Variants in ACTG2 observed in about 807,000 individuals in gnomAD.
ACTG2 encodes actin, gamma-enteric smooth muscle.
In ACTG2, 16 loss-of-function variants were observed where a neutral mutation model predicts 37.6. The observed-to-expected ratio is 0.43, with a 90% confidence interval of 0.29 to 0.65. The LOEUF is 0.65. Among genes scored for constraint, ACTG2 ranks in the 30% least tolerant of loss-of-function variants. The pLI is 0.18. For synonymous variants in ACTG2, 181 were observed against 179.9 expected (o/e 1.01, Z -0.05); for missense variants, 238 against 490.9 (o/e 0.48, Z 4.87).
intron 7 of ACTG2, 94 bp downstream of exon 7, chr2:73,914,965 C>G: frequency 8.9e-7 from 1 of 1,127,026 alleles, no homozygotes; most frequent in Non-Finnish European, 1.2e-6. Flanking sequence ...GTCATGGCCA[C>G]TTTGTTAATT....
chr2:73,919,318 C>A, intron 8 of ACTG2, 114 bp from the exon 9 acceptor site: 2 of 1,229,022 alleles, frequency 1.6e-6, no homozygotes, highest in Non-Finnish European at 2.3e-6. Context: ...CACAATGTTT[C>A]TCCTGTTCTT....
chr2:73,898,876 C>T (rs1679812387), intron 1 of ACTG2, among the ~76,000 whole-genome samples: 1 of 146,288 alleles, frequency 6.8e-6, no homozygotes, highest in Non-Finnish European at 1.5e-5. Flanking sequence ...GATCTTGGCT[C>T]ACTGCAAGCT....
At chr2:73,903,980 A>G (rs1348402490) in intron 3 of ACTG2, among the ~76,000 whole-genome samples, 1 of 149,888 alleles carries the variant, frequency 6.7e-6, no homozygotes, top group African/African-American at 2.5e-5. Flanking sequence ...ACCACATAAT[A>G]GAGGCCAGTG....
At chr2:73,911,340 C>T (rs1361770192) in intron 5 of ACTG2, among the ~76,000 whole-genome samples, 1 of 151,944 alleles carries the variant, frequency 6.6e-6, no homozygotes, top group Non-Finnish European at 1.5e-5. Context: ...ACAAAAAATA[C>T]AAAAAGTTAG....
rs564285780 is a variant in ACTG2, at chr2:73,908,710, C to G, written c.293C>G (p.Ala98Gly). The G allele has an allele frequency of 6.2e-7, 1 of 1,613,174 alleles. No individual in the cohort carries two copies. The highest frequency in any genetic ancestry group is 1.1e-5 in the South Asian group (1 of 91,014). ...HHSFYNELRV[A>G]PEEHPTLLTE... is the part of the protein sequence containing the mutation. ...TCCTTCTACAATGAGCTGCGTGTAG[C>G]ACCTGAAGAGCACCCCACCCTGCTC... The change falls in exon 4 of 9, where the codon GCA becomes GGA. Residue 98 changes from alanine (A) to glycine (G), a missense_variant. Physicochemically the swap from Ala to Gly is moderately conservative, Grantham distance 60 (BLOSUM62 0). Coordinates refer to ENST00000345517, the MANE Select transcript of ACTG2 (RefSeq NM_001615.4).
rs748118100 is a variant in ACTG2, at chr2:73,902,244, G to C, written c.127-116G>C. 5.6e-6 allele frequency: 7 copies of C among 1,244,538 alleles called. No homozygotes were observed. The African/African-American group carries it at 6.0e-5, about 11-fold the overall frequency. The allele number at this position is 1,244,538 out of a possible 1,614,324, so 77.1% of individuals were successfully genotyped here. A position where few individuals can be genotyped will look rare whatever the true frequency, so the allele number is the denominator to read the frequency against. The stretch of plus-strand genomic sequence containing the variant: ...CTGTCTCCTGCTATCCTGTTTCTGG[G>C]GGAAGAAAGGCTGTTTTTCCCATCC... On this transcript the variant is annotated intron_variant, in intron 2 of 8. Transcript: ENST00000345517.
At chr2:73,899,021 A>G (rs965043059) in intron 1 of ACTG2, among the ~76,000 whole-genome samples, 20 of 151,926 alleles carry the variant, frequency 1.3e-4, no homozygotes, top group Non-Finnish European at 2.5e-4. Flanking sequence ...CATGTTAGCC[A>G]GGATGGTCTT....
At chr2:73,897,088 C>G (rs1181751687) in intron 1 of ACTG2, 3 of 152,434 alleles carry the variant, frequency 2.0e-5, no homozygotes, top group Non-Finnish European at 4.4e-5. Context: ...CTTCCCCACC[C>G]TCACTTCGGT....
At chr2:73,896,172 A>C (rs868033353) in intron 1 of ACTG2, among the ~76,000 whole-genome samples, 8 of 152,130 alleles carry the variant, frequency 5.3e-5, no homozygotes, top group South Asian at 2.1e-4. Flanking sequence ...TGTTTCAACA[A>C]AAAAAATTTT....
chr2:73,897,530 A>G (rs771484535), intron 1 of ACTG2, among the ~76,000 whole-genome samples: 2 of 152,198 alleles, frequency 1.3e-5, no homozygotes, highest in East Asian at 3.8e-4. Flanking sequence ...CTGAACCACC[A>G]TGAGGCTGGA....
intron 8 of ACTG2, among the ~76,000 whole-genome samples, chr2:73,918,376 C>A (rs533962006): frequency 1.3e-5 from 2 of 152,290 alleles, no homozygotes; most frequent in East Asian, 3.9e-4. Context: ...GCTGTGCATT[C>A]CCAGTCCTTG....
intron 1 of ACTG2, among the ~76,000 whole-genome samples, chr2:73,896,241 C>G (rs543838473): frequency 6.6e-6 from 1 of 151,490 alleles, no homozygotes; most frequent in East Asian, 2.0e-4. Flanking sequence ...ATCCCAGCTC[C>G]TAGGATGAGG....
intron 3 of ACTG2, among the ~76,000 whole-genome samples, chr2:73,904,125 T>G (rs1248004753): frequency 1.3e-5 from 2 of 151,064 alleles, no homozygotes; most frequent in African/African-American, 4.9e-5. Context: ...AACACATGAC[T>G]GCGGTCTCAG....
intron 5 of ACTG2, among the ~76,000 whole-genome samples, 174 bp from the exon 6 acceptor site, chr2:73,913,311 A>T (rs1273287381): frequency 6.6e-6 from 1 of 152,208 alleles, no homozygotes; most frequent in Non-Finnish European, 1.5e-5. Flanking sequence ...CTGGGGGGAA[A>T]AAAGTGACAT....
At chr2:73,913,782 T>G in intron 6 of ACTG2, 136 bp downstream of exon 6, 1 of 722,086 alleles carries the variant, frequency 1.4e-6, no homozygotes, top group Non-Finnish European at 2.2e-6. Context: ...GGCCTTAAGC[T>G]GGGGCTAGGC....
intron 2 of ACTG2, 34 bp from the exon 3 acceptor site, chr2:73,902,326 C>A: frequency 6.2e-7 from 1 of 1,609,988 alleles, no homozygotes; most frequent in Non-Finnish European, 8.5e-7. Context: ...AGCCCTCAGC[C>A]ATTCATTTCT....
chr2:73,901,275 G>T lies in ACTG2; in HGVS notation c.-36-1G>T. ...AGTTCTCTTCTCCCGCAAATCCCAAGGTGCTCCAGTCCCCAGCTCACTCAG... is the reference window on the plus strand; with the variant it reads ...AGTTCTCTTCTCCCGCAAATCCCAATGTGCTCCAGTCCCCAGCTCACTCAG... On this transcript the variant is annotated splice_acceptor_variant, in intron 1 of 8. Coordinates refer to ENST00000345517, the MANE Select transcript of ACTG2 (RefSeq NM_001615.4). LOFTEE classifies it low-confidence loss of function (5UTR_SPLICE). 6.6e-7 allele frequency: 1 copy of T among 1,517,954 alleles called. No homozygotes were observed. The allele number at this position is 1,517,954 out of a possible 1,614,324, so 94.0% of individuals were successfully genotyped here. A position where few individuals can be genotyped will look rare whatever the true frequency, so the allele number is the denominator to read the frequency against.
At chr2:73,916,809 G>A in intron 8 of ACTG2, 44 bp downstream of exon 8, 3 of 1,588,068 alleles carry the variant, frequency 1.9e-6, no homozygotes, top group Non-Finnish European at 2.6e-6. Context: ...TTTGTATAAA[G>A]TCTTGCCTAC....
intron 3 of ACTG2, chr2:73,903,302 T>C (rs1400367493): frequency 6.5e-6 from 1 of 153,722 alleles, no homozygotes; most frequent in African/African-American, 2.4e-5. Flanking sequence ...AAATGAGGAA[T>C]GTTGACTTGA....
Sources: allele counts gnomAD v4.1 joint callset (sites outside exome capture counted in the v4.1 genomes callset), GRCh38; gene constraint gnomAD v4.1.1; transcripts MANE v1.5; gene names NCBI Gene and HGNC (gene_info 2026-07-23, HGNC 2026-07-21).